EDA: variants seen among roughly 807,000 people sequenced by gnomAD.
EDA encodes ectodysplasin A.
Under a neutral mutation model 23.6 loss-of-function variants are expected in EDA, and 2 were observed. The ratio of observed to expected loss-of-function variants is 0.08; its 90% CI spans 0.03 to 0.27. The LOEUF (loss-of-function observed/expected upper bound fraction) is 0.27, where lower values mean the gene tolerates loss of function less well. Among genes scored for constraint, EDA ranks in the 10% least tolerant of loss-of-function variants. EDA has a pLI of 1.00. For synonymous variants in EDA, 131 were observed against 132.0 expected, an observed-to-expected ratio of 0.99 and a Z score of 0.05; for missense variants, 229 against 324.2, an observed-to-expected ratio of 0.71 and a Z score of 2.26.
chrX:69,969,146 CACA>C (rs771687845), intron 2 of EDA, among the ~76,000 whole-genome samples: 3 of 112,298 alleles, frequency 2.7e-5, no homozygotes, highest in Non-Finnish European at 3.8e-5. Flanking sequence ...CTCCCTATAG[CACA>C]ACAAGTCGTG....
intron 2 of EDA, among the ~76,000 whole-genome samples, chrX:69,959,866 GA>G (rs2019074200): frequency 1.8e-5 from 2 of 111,852 alleles, no homozygotes; most frequent in African/African-American, 3.2e-5. Context: ...AATGTCTGGG[GA>G]AAAAAGAAGC....
At chrX:69,705,792 A>T (rs759953636) in intron 1 of EDA, among the ~76,000 whole-genome samples, 1 of 111,799 alleles carries the variant, frequency 8.9e-6, no homozygotes, top group African/African-American at 3.3e-5. Context: ...CCATCTAAAA[A>T]TTTTCTACGC....
At chrX:69,777,032 C>A (rs1008432883) in intron 1 of EDA, among the ~76,000 whole-genome samples, 1 of 110,746 alleles carries the variant, frequency 9.0e-6, no homozygotes, top group African/African-American at 3.3e-5. Context: ...GTTATATTGA[C>A]CTCCTCAAAA....
intron 1 of EDA, among the ~76,000 whole-genome samples, chrX:69,831,881 T>C (rs1341340821): frequency 1.8e-5 from 2 of 112,171 alleles, no homozygotes; most frequent in Non-Finnish European, 3.8e-5. Flanking sequence ...CACTTTTTGA[T>C]GCAGCTTTTT....
chrX:70,014,747 A>T (rs890841647), intron 2 of EDA, among the ~76,000 whole-genome samples: 1 of 112,482 alleles, frequency 8.9e-6, no homozygotes, highest in Non-Finnish European at 1.9e-5. Context: ...TGCAAAATAC[A>T]CTATAAAAAT....
intron 1 of EDA, among the ~76,000 whole-genome samples, chrX:69,840,214 A>G (rs774127141): frequency 9.0e-6 from 1 of 110,504 alleles, no homozygotes; most frequent in Non-Finnish European, 1.9e-5. Flanking sequence ...AAGCTTATTC[A>G]TGGCCAGCGA....
intron 1 of EDA, among the ~76,000 whole-genome samples, chrX:69,890,566 G>A (rs1212644018): frequency 9.0e-6 from 1 of 110,756 alleles, no homozygotes; most frequent in East Asian, 2.8e-4. Flanking sequence ...TAGACCAATG[G>A]AACAGAATAG....
intron 1 of EDA, among the ~76,000 whole-genome samples, chrX:69,710,203 C>G (rs747807314): frequency 2.1e-4 from 23 of 110,260 alleles, no homozygotes; most frequent in African/African-American, 6.6e-4. Context: ...CCAGTTTCAG[C>G]TTTCTACATA....
chrX:69,835,827 G>T (rs1046821093), intron 1 of EDA, among the ~76,000 whole-genome samples: 2 of 111,971 alleles, frequency 1.8e-5, no homozygotes, highest in African/African-American at 6.5e-5. Context: ...TTTCTGCTCT[G>T]GTTTCTCCCC....
chrX:69,638,937 C>T lies in EDA; in HGVS notation c.396+22233C>T, dbSNP rs747685517. ...ACCCATTAACCAACTCCCTACTCTC[C>T]CCTCCCCCCAGCCCCTATCAACCAT... is the stretch of plus-strand genomic sequence containing the variant. On this transcript the variant is annotated intron_variant, in intron 1 of 7. Coordinates refer to ENST00000374552, the MANE Select transcript of EDA (RefSeq NM_001399.5). Among the ~76,000 whole-genome samples, 23 of 109,712 alleles carry T rather than the reference C, an allele frequency of 2.1e-4. 1 individual carries two copies. Among genetic ancestry groups the T allele is most frequent in the Admixed American group, 5.9e-4 (6 of 10,237 alleles).
intron 1 of EDA, among the ~76,000 whole-genome samples, chrX:69,655,544 A>G (rs2147248446): frequency 9.3e-6 from 1 of 107,531 alleles, no homozygotes; most frequent in Admixed American, 1.0e-4. Context: ...AAGTCAAACT[A>G]GAAGCTAGGT....
intron 2 of EDA, among the ~76,000 whole-genome samples, chrX:69,982,743 G>C (rs1227989077): frequency 1.0e-5 from 1 of 99,099 alleles, no homozygotes; most frequent in African/African-American, 3.7e-5. Flanking sequence ...GTTGATTTGG[G>C]GTGGAGAGTT....
chrX:69,845,061 G>A lies in EDA; in HGVS notation c.397-111966G>A, dbSNP rs757360395. Among the ~76,000 whole-genome samples, 181 of 112,516 alleles carry A rather than the reference G, an allele frequency of 1.6e-3. 1 individual carries two copies. Among genetic ancestry groups the A allele is most frequent in the Non-Finnish European group, 1.9e-3 (100 of 53,321 alleles). ...CTTTTCATGGGACTCATAAAATAGC[G>A]TGCAGAGTGTATTCAACTATAGTTA... On this transcript the variant is annotated intron_variant, in intron 1 of 7. Transcript: ENST00000374552.
At chrX:69,676,999 C>A (rs1384826593) in intron 1 of EDA, among the ~76,000 whole-genome samples, 1 of 81,474 alleles carries the variant, frequency 1.2e-5, no homozygotes, top group Non-Finnish European at 2.3e-5. Flanking sequence ...CCACAACTGG[C>A]CCCAGAGTGT....
intron 1 of EDA, among the ~76,000 whole-genome samples, chrX:69,843,472 T>C (rs868159948): frequency 8.9e-6 from 1 of 111,928 alleles, no homozygotes; most frequent in Admixed American, 9.5e-5. Flanking sequence ...ATTTCCCTCT[T>C]TAGTCATACT....
At chrX:69,989,226 C>G (rs1223353866) in intron 2 of EDA, among the ~76,000 whole-genome samples, 1 of 112,133 alleles carries the variant, frequency 8.9e-6, no homozygotes, top group African/African-American at 3.2e-5. Flanking sequence ...AATCCAGAAG[C>G]CTTGTCAGTC....
chrX:69,947,858 T>C (rs1271081948), intron 1 of EDA, among the ~76,000 whole-genome samples: 2 of 112,459 alleles, frequency 1.8e-5, no homozygotes, highest in African/African-American at 6.5e-5. Flanking sequence ...TCAGCTCTGT[T>C]CTGGATGTTA....
chrX:69,940,622 C>T (rs973506404), intron 1 of EDA, among the ~76,000 whole-genome samples: 5 of 110,371 alleles, frequency 4.5e-5, no homozygotes, highest in South Asian at 7.7e-4. Context: ...GAGTTTGCTT[C>T]GGTCTTGCAT....
chrX:69,885,179 TTATTGTGGTAAAATATAAATAACA>T (rs2017809364), intron 1 of EDA, among the ~76,000 whole-genome samples: 3 of 112,269 alleles, frequency 2.7e-5, no homozygotes, highest in Admixed American at 9.5e-5. Flanking sequence ...GTTGTCTCTT[TTATTGTGGTAAAATATAAATAACA>T]TAAAATTTAT....
Sources: allele counts gnomAD v4.1 joint callset (sites outside exome capture counted in the v4.1 genomes callset), GRCh38; gene constraint gnomAD v4.1.1; transcripts MANE v1.5; gene names NCBI Gene and HGNC (gene_info 2026-07-23, HGNC 2026-07-21).